Variants in AHDC1 observed in about 807,000 individuals in gnomAD.
The protein encoded by AHDC1 is AT-hook DNA binding motif containing 1, also known as transcription factor Gibbin.
AHDC1 carries 7 observed loss-of-function variants against 87.9 expected under a neutral mutation model. That is an observed-to-expected ratio of 0.08 (90% CI 0.05 to 0.15). The LOEUF is 0.15. Among genes scored for constraint, AHDC1 ranks in the 10% least tolerant of loss-of-function variants. AHDC1 has a pLI of 1.00. For missense variants in AHDC1, 1,841 were observed against 2,253.2 expected (o/e 0.82, Z 3.70); for synonymous variants, 1,051 against 1,006.8 (o/e 1.04, Z -0.83).
At chr1:27,587,979 C>A (rs891727976) in intron 3 of AHDC1, among the ~76,000 whole-genome samples, 1 of 152,256 alleles carries the variant, frequency 6.6e-6, no homozygotes, top group Admixed American at 6.5e-5. Context: ...CCTCAACTAG[C>A]CTTCCTGCCT....
At chr1:27,576,341 G>GA (rs2088748804) in intron 3 of AHDC1, among the ~76,000 whole-genome samples, 1 of 152,196 alleles carries the variant, frequency 6.6e-6, no homozygotes, top group South Asian at 2.1e-4. Flanking sequence ...GAAGGGGTCT[G>GA]AAAAGGCCCT....
At chr1:27,535,860 C>T (rs1169100723) in intron 8 of AHDC1, among the ~76,000 whole-genome samples, 1 of 152,084 alleles carries the variant, frequency 6.6e-6, no homozygotes, top group Non-Finnish European at 1.5e-5. Flanking sequence ...CTTGGCTAGA[C>T]CCCCTGGATT....
intron 8 of AHDC1, among the ~76,000 whole-genome samples, chr1:27,544,086 G>A (rs2019058610): frequency 6.6e-6 from 1 of 152,118 alleles, no homozygotes; most frequent in African/African-American, 2.4e-5. Flanking sequence ...TCTAATCCTG[G>A]CTCCACTATC....
chr1:27,554,057 A>T (rs1334683713), intron 5 of AHDC1, among the ~76,000 whole-genome samples: 1 of 152,138 alleles, frequency 6.6e-6, no homozygotes, highest in Admixed American at 6.5e-5. Flanking sequence ...CAGCAGAGTG[A>T]GATCCTTTCT....
chr1:27,576,797 T>C (rs1351423616), intron 3 of AHDC1, among the ~76,000 whole-genome samples: 1 of 152,154 alleles, frequency 6.6e-6, no homozygotes, highest in African/African-American at 2.4e-5. Flanking sequence ...CGTAGGGACA[T>C]GGGGGGATCA....
rs890829166 is a variant in AHDC1 at position 27,550,495 on chromosome 1, T to C, written c.1621A>G (p.Ile541Val). The part of the protein sequence containing the change: ...VVVFPPGEMP[I>V]ILKRKRGRPP... ...CGGCCGCGCTTACGTTTGAGAATAA[T>C]GGGCATCTCACCGGGTGGGAAGACC... is the stretch of plus-strand genomic sequence containing the variant. Residue 541 changes from isoleucine to valine, a missense_variant, in exon 8 of 9, where the codon ATT (isoleucine) becomes GTT (valine). Ile to Val is a conservative substitution (Grantham distance 29). Coordinates refer to ENST00000673934, the MANE Select transcript of AHDC1 (RefSeq NM_001371928.1). The C allele has an allele frequency of 2.5e-6, 4 of 1,607,214 alleles. No individual in the cohort carries two copies. In the Admixed American group the frequency reaches 5.0e-5, roughly 20 times the overall value.
At chr1:27,552,398 C>CA in intron 7 of AHDC1, 4 of 357,998 alleles carry the variant, frequency 1.1e-5, no homozygotes, top group East Asian at 8.8e-5. Context: ...GGCCCAGTTT[C>CA]ACTTTTTTTT....
In AHDC1 at chr1:27,593,699, C is replaced by T. The variant is rs967050462; in HGVS notation, c.-629+9698G>A. 7.2e-5 allele frequency among the ~76,000 whole-genome samples: 11 copies of T among 152,258 alleles called. No individual in the cohort carries two copies. Among genetic ancestry groups the T allele is most frequent in the Admixed American group, 2.6e-4 (4 of 15,290 alleles). ...CTGGCTGCCCCACCTCTGCTCTGAA[C>T]CCCTCCCTATCTCACCAATCCCTGC... is the stretch of plus-strand genomic sequence containing the variant. On this transcript the variant is annotated intron_variant, in intron 3 of 8. Coordinates refer to ENST00000673934, the MANE Select transcript of AHDC1 (RefSeq NM_001371928.1). The surrounding 1 kb of genome is among the most constrained non-coding windows in gnomAD (Gnocchi z 4.9).
rs1302863885 is a variant in AHDC1 at position 27,552,166 on chromosome 1, G to A, written c.-51C>T. On this transcript the variant is annotated 5_prime_UTR_variant, in exon 8 of 9. Coordinates refer to ENST00000673934, the MANE Select transcript of AHDC1 (RefSeq NM_001371928.1). ...CGGGCGGGGCCGGGGCTGACATGAG[G>A]GTGCGAGAAGCCGGGACCAGGACCT... The A allele has an allele frequency of 7.0e-7, 1 of 1,431,578 alleles. No homozygotes were observed. 88.7% of individuals were successfully genotyped at this position (1,431,578 alleles called of 1,614,324 possible). A position where few individuals can be genotyped will look rare whatever the true frequency, so the allele number is the denominator to read the frequency against.
intron 3 of AHDC1, among the ~76,000 whole-genome samples, chr1:27,567,507 C>T (rs1012610627): frequency 1.3e-5 from 2 of 152,166 alleles, no homozygotes; most frequent in Admixed American, 6.5e-5. Context: ...ACCGGAGACA[C>T]CTTGGCTGCC....
At chr1:27,567,786 C>T (rs2020389088) in intron 3 of AHDC1, among the ~76,000 whole-genome samples, 1 of 152,226 alleles carries the variant, frequency 6.6e-6, no homozygotes, top group Non-Finnish European at 1.5e-5. Flanking sequence ...TCCCAGCTCC[C>T]CCAACATCTC....
rs1432584898 is a variant in AHDC1, at chr1:27,560,458, C to T, written c.-628-1575G>A. On this transcript the variant is annotated intron_variant, in intron 3 of 8. Coordinates refer to ENST00000673934, the MANE Select transcript of AHDC1 (RefSeq NM_001371928.1). This position sits in a 1 kb window ranked among gnomAD's most constrained non-coding sequence, Gnocchi z 4.1. The stretch of plus-strand genomic sequence containing the variant: ...TGAGGCTGATCCTCTGCTGTCCCTG[C>T]AGGTTTCCAATCTCGAGGCCTGTGA... 3.9e-5 allele frequency among the ~76,000 whole-genome samples: 6 copies of T among 152,260 alleles called. No homozygotes were observed. The highest frequency in any genetic ancestry group is 2.1e-4 in the South Asian group (1 of 4,814).
intron 3 of AHDC1, among the ~76,000 whole-genome samples, chr1:27,576,787 C>T (rs760441610): frequency 6.6e-6 from 1 of 152,178 alleles, no homozygotes; most frequent in East Asian, 1.9e-4. Flanking sequence ...TCCATCTACC[C>T]GTAGGGACAT....
rs1260892459 is a variant in AHDC1 at position 27,552,243 on chromosome 1, G to A, written c.-74-54C>T. 5.8e-6 allele frequency: 8 copies of A among 1,376,490 alleles called. No homozygotes were observed. In the East Asian group the frequency reaches 7.9e-5, roughly 14 times the overall value. 85.3% of individuals were successfully genotyped at this position (1,376,490 alleles called of 1,614,324 possible). A position where few individuals can be genotyped will look rare whatever the true frequency, so the allele number is the denominator to read the frequency against. On this transcript the variant is annotated intron_variant, in intron 7 of 8. Coordinates refer to ENST00000673934, the MANE Select transcript of AHDC1 (RefSeq NM_001371928.1). The stretch of plus-strand genomic sequence containing the variant: ...TTACTGAACACCTACATCCTCATCA[G>A]CTTCCCATATCCTTGATGAGCTCCT...
Position 27,547,340 on chromosome 1 carries a change from A to T in AHDC1, c.4776T>A (p.Pro1592=). The T allele has an allele frequency of 6.4e-7, 1 of 1,553,234 alleles. No homozygotes were observed. ...KSGFLGPMAE[P]HPEDTFTVTS... is the part of the protein sequence containing the mutation. ...TGACGGTGAATGTGTCCTCGGGGTG[A>T]GGTTCCGCCATGGGCCCCAGGAAGC... Residue 1592 remains proline, a synonymous_variant, in exon 8 of 9, where the codon CCT becomes CCA. Transcript: ENST00000673934. The surrounding 1 kb of genome is among the most constrained non-coding windows in gnomAD (Gnocchi z 4.9).
At chr1:27,559,184 T>G (rs2019956530) in intron 3 of AHDC1, among the ~76,000 whole-genome samples, 1 of 152,094 alleles carries the variant, frequency 6.6e-6, no homozygotes, top group Non-Finnish European at 1.5e-5. Context: ...CCCGAGTAGC[T>G]GGGGCTACAG....
intron 8 of AHDC1, among the ~76,000 whole-genome samples, chr1:27,545,731 G>C (rs1370405015): frequency 6.7e-6 from 1 of 148,586 alleles, no homozygotes; most frequent in African/African-American, 2.5e-5. Flanking sequence ...CATCAGGAAG[G>C]AAAAGATGCT....
intron 8 of AHDC1, among the ~76,000 whole-genome samples, chr1:27,545,457 T>G (rs539813546): frequency 6.6e-6 from 1 of 152,248 alleles, no homozygotes; most frequent in Non-Finnish European, 1.5e-5. Context: ...GGTTCCATTA[T>G]GTACTTCACT....
At chr1:27,546,839 G>A (rs962451687) in intron 8 of AHDC1, among the ~76,000 whole-genome samples, 1 of 152,100 alleles carries the variant, frequency 6.6e-6, no homozygotes, top group African/African-American at 2.4e-5. Context: ...GTAGACGACC[G>A]TCCAACCTGC....
Sources: allele counts gnomAD v4.1 joint callset (sites outside exome capture counted in the v4.1 genomes callset), GRCh38; gene constraint gnomAD v4.1.1; non-coding constraint Gnocchi (gnomAD v3.1); transcripts MANE v1.5; gene names NCBI Gene and HGNC (gene_info 2026-07-23, HGNC 2026-07-21).